Variants in ANKRD26 observed in about 807,000 individuals in gnomAD.
The protein encoded by ANKRD26 is ankyrin repeat domain 26, also known as ankyrin repeat domain-containing protein 26.
A neutral mutation model predicts 208.7 loss-of-function variants in ANKRD26; 141 were observed. The ratio of observed to expected loss-of-function variants is 0.68; its 90% CI spans 0.59 to 0.78. The LOEUF (loss-of-function observed/expected upper bound fraction) is 0.78, where lower values mean the gene tolerates loss of function less well. Ranked by LOEUF, ANKRD26 falls within the 30% of genes least tolerant of loss-of-function variation. The probability of loss-of-function intolerance (pLI) is 0.00; values close to 1 mark genes in which losing one functional copy is unlikely to be tolerated. For synonymous variants in ANKRD26, 636 were observed against 660.4 expected (o/e 0.96, Z 0.57); for missense variants, 1,889 against 1,938.7 (o/e 0.97, Z 0.48).
Position 27,100,232 on chromosome 10 carries a change from TC to T in ANKRD26, c.94del (p.Glu32ArgfsTer42), listed in dbSNP as rs1394661639. 4 of 1,612,046 alleles carry T rather than the reference TC, an allele frequency of 2.5e-6. No homozygotes were observed. The highest frequency in any genetic ancestry group is 3.4e-6 in the Non-Finnish European group (4 of 1,179,766). On this transcript the variant is annotated frameshift_variant, in exon 1 of 34. Transcript: ENST00000376087. LOFTEE classifies it high-confidence loss of function. ...GTAGCCGGGCTGCGAGTAGGCGCCC[TC>T]CCCCGGCTCGCCCCCGCCTCCCGCG... The part of the protein sequence containing the change: ...SSAGGGGEPG[E>X]GAYSQPGYHV...
chr10:27,035,160 AC>A lies in ANKRD26; in HGVS notation c.3289del (p.Val1097TyrfsTer5). Reference protein sequence around the residue: ...LREKTLGLERVQKDLSQTQCQ... With the variant: ...LREKTLGLERXQKDLSQTQCQ... ...CTGTGTTTGGCTTAGGTCCTTTTGT[AC>A]CCGTTCTAAACCCAAAGTCTTTTCT... On this transcript the variant is annotated frameshift_variant, in exon 24 of 34. Transcript: ENST00000376087. LOFTEE classifies it high-confidence loss of function. 6.2e-7 allele frequency: 1 copy of A among 1,613,852 alleles called. No homozygotes were observed. Among genetic ancestry groups the A allele is most frequent in the Admixed American group, 1.7e-5 (1 of 60,006 alleles).
intron 5 of ANKRD26, 130 bp from the exon 6 acceptor site, chr10:27,082,963 A>C: frequency 7.9e-7 from 1 of 1,265,842 alleles, no homozygotes; most frequent in Non-Finnish European, 1.1e-6. Flanking sequence ...AATAGAATTA[A>C]TATCCTCTAT....
chr10:26,958,089 A>T, the ANKRD26 span, among the ~76,000 whole-genome samples: 16 of 149,926 alleles, frequency 1.1e-4, no homozygotes, highest in Non-Finnish European at 1.2e-4. Flanking sequence ...ATATATATAT[A>T]TATTTATTTT....
At chr10:27,094,925 A>C (rs1456350571) in intron 1 of ANKRD26, among the ~76,000 whole-genome samples, 3 of 151,788 alleles carry the variant, frequency 2.0e-5, no homozygotes, top group African/African-American at 7.3e-5. Context: ...GCTTGAGCCC[A>C]GGAGGTTGAG....
At chr10:26,952,028 T>C in the ANKRD26 span, among the ~76,000 whole-genome samples, 1 of 152,140 alleles carries the variant, frequency 6.6e-6, no homozygotes, top group African/African-American at 2.4e-5. Context: ...ATGTTCCTTA[T>C]CACTCTCACA....
chr10:27,073,334 T>C lies in ANKRD26; in HGVS notation c.1077+4004A>G, dbSNP rs148679072. 2.0e-5 allele frequency among the ~76,000 whole-genome samples: 3 copies of C among 152,318 alleles called. No individual in the cohort carries two copies. In the East Asian group the frequency reaches 5.8e-4, roughly 29 times the overall value. The stretch of plus-strand genomic sequence containing the variant: ...CGACAGCATGATGTGCGTGCATCTG[T>C]AGACAGCCTTCCTGAAGCACTTCAG... On this transcript the variant is annotated intron_variant, in intron 9 of 33. Coordinates refer to ENST00000376087, the MANE Select transcript of ANKRD26 (RefSeq NM_014915.3).
intron 5 of ANKRD26, among the ~76,000 whole-genome samples, chr10:27,084,979 G>A (rs1332595177): frequency 2.6e-5 from 4 of 151,676 alleles, no homozygotes; most frequent in Non-Finnish European, 2.9e-5. Context: ...TGAGCGCAGA[G>A]TTGAGATATT....
chr10:27,022,837 C>A, intron 28 of ANKRD26, 150 bp from the exon 29 acceptor site: 3 of 711,844 alleles, frequency 4.2e-6, no homozygotes, highest in South Asian at 2.1e-5. Flanking sequence ...TGAAAACACT[C>A]TAATGAAATT....
Position 27,100,200 on chromosome 10 carries a change from G to C in ANKRD26, c.127C>G (p.Arg43Gly), listed in dbSNP as rs958532754. 5.6e-6 allele frequency: 9 copies of C among 1,613,600 alleles called. No individual in the cohort carries two copies. Among genetic ancestry groups the C allele is most frequent in the Non-Finnish European group, 7.6e-6 (9 of 1,179,952 alleles). ...GAYSQPGYHV[R>G]DRDLGKIHKA... is the part of the protein sequence containing the mutation. The stretch of plus-strand genomic sequence containing the variant: ...TGGATCTTGCCGAGATCTCGGTCTC[G>C]GACGTGGTAGCCGGGCTGCGAGTAG... Residue 43 changes from arginine (R) to glycine (G), a missense_variant, in exon 1 of 34, where the codon CGA becomes GGA. Transcript: ENST00000376087.
At chr10:27,077,757 C>CAA in intron 7 of ANKRD26, 64 bp from the exon 8 acceptor site, 1 of 1,365,720 alleles carries the variant, frequency 7.3e-7, no homozygotes, top group Non-Finnish European at 1.0e-6. Context: ...ATAAAATAAT[C>CAA]GTAATAGATA....
chr10:27,011,892 T>C (rs2134884726), intron 32 of ANKRD26, among the ~76,000 whole-genome samples: 1 of 152,344 alleles, frequency 6.6e-6, no homozygotes, highest in South Asian at 2.1e-4. Context: ...ACATATTTGC[T>C]TGCTTTAACT....
chr10:27,016,139 C>T (rs546322042), intron 30 of ANKRD26, among the ~76,000 whole-genome samples: 2 of 152,258 alleles, frequency 1.3e-5, no homozygotes, highest in East Asian at 3.9e-4. Flanking sequence ...CCATGCACCA[C>T]CATGCCTGGC....
chr10:27,038,580 G>A (rs2135227648), intron 21 of ANKRD26, among the ~76,000 whole-genome samples: 1 of 151,928 alleles, frequency 6.6e-6, no homozygotes, highest in African/African-American at 2.4e-5. Flanking sequence ...GAACCCGGGA[G>A]GCGGATGTTG....
At chr10:27,097,632 TTA>T (rs954658266) in intron 1 of ANKRD26, among the ~76,000 whole-genome samples, 3 of 150,162 alleles carry the variant, frequency 2.0e-5, no homozygotes. Flanking sequence ...GCAATAATAT[TTA>T]TCTTTTTTTT....
chr10:27,051,070 G>A, intron 16 of ANKRD26: 2 of 1,247,978 alleles, frequency 1.6e-6, no homozygotes, highest in South Asian at 1.4e-5. Flanking sequence ...TCTTTTTGAA[G>A]TTGGACTTTT....
At chr10:27,085,030 A>T (rs2056064571) in intron 5 of ANKRD26, among the ~76,000 whole-genome samples, 1 of 151,912 alleles carries the variant, frequency 6.6e-6, no homozygotes, top group Non-Finnish European at 1.5e-5. Context: ...ATGATAACAG[A>T]GTGTTTCATT....
the ANKRD26 span, among the ~76,000 whole-genome samples, chr10:26,966,242 C>T: frequency 6.6e-6 from 1 of 152,182 alleles, no homozygotes; most frequent in African/African-American, 2.4e-5. Flanking sequence ...CAAATGCCCT[C>T]AATGCTACAA....
intron 1 of ANKRD26, among the ~76,000 whole-genome samples, chr10:27,097,996 A>G (rs1378327458): frequency 6.6e-6 from 1 of 152,212 alleles, no homozygotes; most frequent in East Asian, 1.9e-4. Context: ...ATAAGGACAC[A>G]ACTAAAATAA....
At chr10:27,044,751 A>T (rs2054382298) in intron 18 of ANKRD26, among the ~76,000 whole-genome samples, 1 of 152,190 alleles carries the variant, frequency 6.6e-6, no homozygotes, top group South Asian at 2.1e-4. Context: ...TTGATAACAT[A>T]TTAGGTATTT....
Sources: allele counts gnomAD v4.1 joint callset (sites outside exome capture counted in the v4.1 genomes callset), GRCh38; gene constraint gnomAD v4.1.1; transcripts MANE v1.5; gene names NCBI Gene and HGNC (gene_info 2026-07-23, HGNC 2026-07-21).